WNT9B: variants seen among roughly 807,000 people sequenced by gnomAD.
WNT9B encodes the protein Wnt family member 9B.
Under a neutral mutation model 30.2 loss-of-function variants are expected in WNT9B, and 12 were observed. That is an observed-to-expected ratio of 0.40 (90% CI 0.26 to 0.64). The LOEUF is 0.64. WNT9B is among the 30% of genes least tolerant of loss of function. WNT9B has a pLI of 0.42. For missense variants in WNT9B, 442 were observed against 485.2 expected, an observed-to-expected ratio of 0.91 and a Z score of 0.84; for synonymous variants, 218 against 216.9, an observed-to-expected ratio of 1.01 and a Z score of -0.05.
upstream of WNT9B, among the ~76,000 whole-genome samples, chr17:46,851,369 G>C (rs1019002808): frequency 6.6e-6 from 1 of 151,078 alleles, no homozygotes; most frequent in Non-Finnish European, 1.5e-5. This position sits in a 1 kb window ranked among gnomAD's most constrained non-coding sequence, Gnocchi z 4.3. Context: ...CCAGGTGAGC[G>C]CTCACCTGGG....
At position 46,879,538 on chromosome 17, in the gene WNT9B, C is replaced by G. The variant is rs756950505; in HGVS notation, c.*2820C>G. ...TGCTATTTAGAAACAAAAACTTTTA[C>G]CCCTTTCATCTCACTTGATTTCTCC... On this transcript the variant is annotated 3_prime_UTR_variant, in exon 4 of 4. Transcript: ENST00000290015. Among the ~76,000 whole-genome samples, 2 of 152,250 alleles carry G rather than the reference C, an allele frequency of 1.3e-5. No homozygotes were observed. The highest frequency in any genetic ancestry group is 2.4e-5 in the African/African-American group (1 of 41,468).
chr17:46,882,273 C>A (rs995585650), downstream of WNT9B, among the ~76,000 whole-genome samples: 5 of 152,212 alleles, frequency 3.3e-5, no homozygotes, highest in African/African-American at 1.2e-4. Context: ...CTAGAACAGT[C>A]CCCCTCTTTC....
rs1168568700 is a variant in WNT9B at position 46,872,797 on chromosome 17, G to A, written c.334+24G>A. The A allele has an allele frequency of 3.6e-6, 5 of 1,398,458 alleles. No individual in the cohort carries two copies. The African/African-American group carries it at 5.7e-5, about 16-fold the overall frequency. The allele number at this position is 1,398,458 out of a possible 1,614,324, so 86.6% of individuals were successfully genotyped here. A position where few individuals can be genotyped will look rare whatever the true frequency, so the allele number is the denominator to read the frequency against. On this transcript the variant is annotated intron_variant, in intron 2 of 3. Coordinates refer to ENST00000290015, the MANE Select transcript of WNT9B (RefSeq NM_003396.3). ...AGGTGGGGAGGAGGGCTAGGGGACGGGGAGGGCTGGGGGAAGAAGCCTTCA... is the reference window on the plus strand; with the variant it reads ...AGGTGGGGAGGAGGGCTAGGGGACGAGGAGGGCTGGGGGAAGAAGCCTTCA...
chr17:46,838,322 TAA>T lies in WNT9B; in HGVS notation c.95+4898_95+4899del, dbSNP rs111624803. On this transcript the variant is annotated intron_variant, in intron 1 of 2. Transcript: ENST00000575372. ...AGAAGAGATAGAACGGGGCCTGCCT[TAA>T]AAAAAAAAAAAAAAATCACAGGCCA... Among the ~76,000 whole-genome samples, 687 of 138,138 alleles carry T rather than the reference TAA, an allele frequency of 5.0e-3. 3 individuals are homozygous for T. The highest frequency in any genetic ancestry group is 0.015 in the African/African-American group (578 of 38,046). 90.6% of individuals were successfully genotyped at this position (138,138 alleles called of 152,430 possible).
intron 1 of WNT9B, among the ~76,000 whole-genome samples, chr17:46,853,656 C>G (rs1012527776): frequency 6.6e-5 from 10 of 152,112 alleles, no homozygotes; most frequent in Non-Finnish European, 1.3e-4. Flanking sequence ...GCATGAGCCA[C>G]CAGGCCTGGC....
chr17:46,882,562 A>G (rs2085437249), downstream of WNT9B, among the ~76,000 whole-genome samples: 1 of 151,988 alleles, frequency 6.6e-6, no homozygotes, highest in African/African-American at 2.4e-5. Flanking sequence ...CAGCCTCTAG[A>G]GTAGCTGGGA....
chr17:46,883,460 T>C (rs2085450762), downstream of WNT9B, among the ~76,000 whole-genome samples: 1 of 151,940 alleles, frequency 6.6e-6, no homozygotes. Context: ...TATTTTTGTA[T>C]TTTTAGTAGA....
rs142611468 is a variant in WNT9B at position 46,879,382 on chromosome 17, C to T, written c.*2664C>T. The stretch of plus-strand genomic sequence containing the variant: ...AGCCCTGGTGGGCTCCATCCAGACC[C>T]TCCTTGTGATGTTTTTGTAGATTTT... On this transcript the variant is annotated 3_prime_UTR_variant, in exon 4 of 4. Coordinates refer to ENST00000290015, the MANE Select transcript of WNT9B (RefSeq NM_003396.3). Among the ~76,000 whole-genome samples the T allele has an allele frequency of 3.3e-3, 499 of 152,348 alleles. 2 individuals are homozygous for T. Among genetic ancestry groups the T allele is most frequent in the African/African-American group, 0.011 (478 of 41,584 alleles).
rs147451465 is a variant in WNT9B, at chr17:46,839,839, C to A, written c.95+6399C>A. 5.5e-3 allele frequency among the ~76,000 whole-genome samples: 835 copies of A among 152,270 alleles called. 12 individuals carry two copies. Among genetic ancestry groups the A allele is most frequent in the African/African-American group, 0.018 (767 of 41,552 alleles). On this transcript the variant is annotated intron_variant, in intron 1 of 2. Coordinates refer to the WNT9B transcript ENST00000575372. The stretch of plus-strand genomic sequence containing the variant: ...ATGGTTTCCAGCTTCATCCGTGTCC[C>A]TGCAAAGGACATGAACTCATCCTTT...
At chr17:46,874,387 C>T (rs911743199) in intron 2 of WNT9B, among the ~76,000 whole-genome samples, 4 of 152,166 alleles carry the variant, frequency 2.6e-5, no homozygotes, top group African/African-American at 9.7e-5. Flanking sequence ...AATGGTCATA[C>T]ACCGACCTGG....
downstream of WNT9B, among the ~76,000 whole-genome samples, chr17:46,883,774 C>T (rs992999327): frequency 2.0e-5 from 3 of 152,200 alleles, no homozygotes; most frequent in African/African-American, 7.2e-5. Context: ...TGGCATCTTC[C>T]AGTCCTGCCA....
chr17:46,838,180 C>T (rs1023367218), intron 1 of WNT9B, among the ~76,000 whole-genome samples: 1 of 152,116 alleles, frequency 6.6e-6, no homozygotes, highest in Non-Finnish European at 1.5e-5. Flanking sequence ...CTCTCTGAGA[C>T]ATCTGGCTGA....
At chr17:46,871,972 A>G (rs1180651175) in intron 1 of WNT9B, among the ~76,000 whole-genome samples, 1 of 152,230 alleles carries the variant, frequency 6.6e-6, no homozygotes, top group Non-Finnish European at 1.5e-5. Flanking sequence ...GGGCAGCAGC[A>G]TAATGTAAGG....
chr17:46,860,813 C>T (rs185367457), intron 1 of WNT9B, among the ~76,000 whole-genome samples: 3 of 152,338 alleles, frequency 2.0e-5, no homozygotes, highest in Admixed American at 1.3e-4. Flanking sequence ...TGTGGCAACC[C>T]AGGAGGTAGG....
intron 1 of WNT9B, among the ~76,000 whole-genome samples, chr17:46,838,848 G>C (rs1384203268): frequency 6.6e-6 from 1 of 151,988 alleles, no homozygotes. Flanking sequence ...ATATAAAATG[G>C]TTTCCAGGGG....
At chr17:46,872,222 A>G (rs770733718) in intron 1 of WNT9B, among the ~76,000 whole-genome samples, 6 of 152,206 alleles carry the variant, frequency 3.9e-5, no homozygotes, top group Non-Finnish European at 8.8e-5. Context: ...GGGAAAGCGT[A>G]TTTTTAATAA....
chr17:46,858,142 C>G (rs2084970352), intron 1 of WNT9B, among the ~76,000 whole-genome samples: 1 of 152,190 alleles, frequency 6.6e-6, no homozygotes, highest in African/African-American at 2.4e-5. Flanking sequence ...GTTGGCCTGG[C>G]TGGTCTTGAA....
chr17:46,847,516 C>T (rs1464841465), upstream of WNT9B, among the ~76,000 whole-genome samples: 1 of 152,154 alleles, frequency 6.6e-6, no homozygotes, highest in Non-Finnish European at 1.5e-5. Flanking sequence ...AGCCAGTCAT[C>T]ATAAGGCTAT....
At chr17:46,839,936 CT>C (rs1284790053) in intron 1 of WNT9B, among the ~76,000 whole-genome samples, 1 of 147,234 alleles carries the variant, frequency 6.8e-6, no homozygotes, top group Non-Finnish European at 1.5e-5. Flanking sequence ...TTCTTTCTTT[CT>C]TTCTTTCTTT....
Sources: gnomAD v4.1 joint callset for allele counts (sites outside exome capture counted in the v4.1 genomes callset) on GRCh38, gnomAD v4.1.1 for gene constraint, Gnocchi (gnomAD v3.1) non-coding constraint, MANE v1.5 for transcripts, NCBI Gene and HGNC (gene_info 2026-07-23, HGNC 2026-07-21) for gene names.